The following KCNN3 variants were observed in gnomAD, a reference collection of about 807,000 sequenced individuals.
The protein encoded by KCNN3 is small conductance calcium-activated potassium channel protein 3.
In KCNN3, 16 loss-of-function variants were observed where a neutral mutation model predicts 62.9. The ratio of observed to expected loss-of-function variants is 0.25; its 90% CI spans 0.17 to 0.39. The LOEUF (loss-of-function observed/expected upper bound fraction) is 0.39. Among genes scored for constraint, KCNN3 ranks in the 10% least tolerant of loss-of-function variants. The pLI is 1.00. For synonymous variants in KCNN3, 370 were observed against 389.2 expected (o/e 0.95, Z 0.58); for missense variants, 599 against 949.4 (o/e 0.63, Z 4.85).
chr1:154,754,004 C>T (rs1335619998), intron 3 of KCNN3, among the ~76,000 whole-genome samples: 1 of 152,148 alleles, frequency 6.6e-6, no homozygotes, highest in East Asian at 1.9e-4. Context: ...ATGTGCTGTC[C>T]CTTCTGTGAG....
chr1:154,831,491 A>G (rs1233956935), intron 1 of KCNN3, among the ~76,000 whole-genome samples: 1 of 152,206 alleles, frequency 6.6e-6, no homozygotes, highest in Non-Finnish European at 1.5e-5. Context: ...AGTGAATCTA[A>G]TGTGCGGGCC....
At position 154,811,238 on chromosome 1, in the gene KCNN3, T is replaced by C. The variant is rs1462776487; in HGVS notation, c.1029+10851A>G. Among the ~76,000 whole-genome samples, 3 of 152,098 alleles carry C rather than the reference T, an allele frequency of 2.0e-5. No individual in the cohort carries two copies. In the South Asian group the frequency reaches 6.2e-4, roughly 32 times the overall value. ...GGGCTGACAAAGTGGGAGATGCTTG[T>C]GGAGATGATGTGCGAAGAGAGCTCA... is the stretch of plus-strand genomic sequence containing the variant. On this transcript the variant is annotated intron_variant, in intron 2 of 7. Coordinates refer to ENST00000271915, the MANE Select transcript of KCNN3 (RefSeq NM_002249.6).
At chr1:154,830,167 G>T (rs1053893198) in intron 1 of KCNN3, among the ~76,000 whole-genome samples, 2 of 152,172 alleles carry the variant, frequency 1.3e-5, no homozygotes, top group Non-Finnish European at 2.9e-5. Context: ...CTAAAGAGAG[G>T]TGATGAAAGT....
chr1:154,828,099 C>T (rs1161174280), intron 1 of KCNN3, among the ~76,000 whole-genome samples: 2 of 152,140 alleles, frequency 1.3e-5, no homozygotes, highest in East Asian at 1.9e-4. Flanking sequence ...GGGCCTGATA[C>T]TTGCTAGCCA....
chr1:154,832,066 T>C (rs1651398229), intron 1 of KCNN3, among the ~76,000 whole-genome samples: 1 of 151,994 alleles, frequency 6.6e-6, no homozygotes, highest in African/African-American at 2.4e-5. Flanking sequence ...CCACCCTGCT[T>C]TTCATACTAA....
At chr1:154,783,754 C>T (rs1320357555) in intron 2 of KCNN3, among the ~76,000 whole-genome samples, 1 of 152,146 alleles carries the variant, frequency 6.6e-6, no homozygotes, top group East Asian at 1.9e-4. Flanking sequence ...GAGGGGGAGG[C>T]CGGAGCCCAC....
Position 154,726,006 on chromosome 1 carries a change from A to G in KCNN3, c.1611T>C (p.Leu537=). 6.2e-7 allele frequency: 1 copy of G among 1,614,026 alleles called. No homozygotes were observed. The highest frequency in any genetic ancestry group is 1.3e-5 in the African/African-American group (1 of 75,034). The change falls in exon 5 of 8, where the codon CTT becomes CTC. Residue 537 remains leucine (L), a synonymous_variant. Coordinates refer to ENST00000271915, the MANE Select transcript of KCNN3 (RefSeq NM_002249.6). ...TGIMGAGCTA[L]VVAVVARKLE... ...GCTTTCGGGCCACCACGGCCACCAC[A>G]AGGGCAGTGCAGCCTGCACCCTGCG...
In KCNN3 at chr1:154,756,529, C is replaced by A. The variant is rs367667047; in HGVS notation, c.1448+15446G>T. Among the ~76,000 whole-genome samples, 4 of 151,982 alleles carry A rather than the reference C, an allele frequency of 2.6e-5. No homozygotes were observed. The East Asian group carries it at 5.8e-4, about 22-fold the overall frequency. ...TCTCCTTCCAGTGACTCCTTCCCCC[C>A]GGCTCCTTGCCAGCTCAGGGCCTTG... On this transcript the variant is annotated intron_variant, in intron 3 of 7. Transcript: ENST00000271915.
intron 3 of KCNN3, among the ~76,000 whole-genome samples, chr1:154,761,999 G>A (rs1209493055): frequency 7.0e-6 from 1 of 142,696 alleles, no homozygotes; most frequent in Non-Finnish European, 1.5e-5. Context: ...AAACAAACAC[G>A]TTGATTTGAT....
chr1:154,709,785 G>A lies in KCNN3; in HGVS notation c.1900-1513C>T, dbSNP rs144594029. Among the ~76,000 whole-genome samples the A allele has an allele frequency of 2.4e-3, 370 of 152,222 alleles. 2 individuals carry two copies. The highest frequency in any genetic ancestry group is 8.2e-3 in the African/African-American group (341 of 41,534). ...TTAATCAACATGACAGAACCTCCTC[G>A]AGGCAAACATTCTTCCCGGAATGTG... On this transcript the variant is annotated intron_variant, in intron 7 of 7. Transcript: ENST00000271915.
chr1:154,841,206 G>T (rs541203193), intron 1 of KCNN3, among the ~76,000 whole-genome samples: 1 of 152,326 alleles, frequency 6.6e-6, no homozygotes, highest in African/African-American at 2.4e-5. Context: ...AAAAACCTCA[G>T]TCCCACAGAC....
At chr1:154,737,013 G>A (rs1000478613) in intron 3 of KCNN3, 25 of 701,588 alleles carry the variant, frequency 3.6e-5, no homozygotes, top group Admixed American at 1.0e-4. Flanking sequence ...TTGGAGCTTC[G>A]TCATGGAGAT....
intron 2 of KCNN3, among the ~76,000 whole-genome samples, chr1:154,783,055 A>G (rs1460594601): frequency 6.6e-6 from 1 of 152,156 alleles, no homozygotes; most frequent in Non-Finnish European, 1.5e-5. Context: ...TACTAAAAAT[A>G]CAAAAAAACT....
intron 3 of KCNN3, among the ~76,000 whole-genome samples, chr1:154,747,166 A>G (rs1700955381): frequency 2.6e-5 from 4 of 152,082 alleles, no homozygotes; most frequent in Admixed American, 2.0e-4. Flanking sequence ...AGTCCGGTGG[A>G]GGTTGGCTCC....
chr1:154,769,454 C>G (rs1648452055), intron 3 of KCNN3, among the ~76,000 whole-genome samples: 1 of 152,178 alleles, frequency 6.6e-6, no homozygotes, highest in South Asian at 2.1e-4. Flanking sequence ...GACCCAGTGG[C>G]CCACCAGGGA....
chr1:154,833,780 C>T (rs1651472753), intron 1 of KCNN3, among the ~76,000 whole-genome samples: 1 of 152,216 alleles, frequency 6.6e-6, no homozygotes, highest in African/African-American at 2.4e-5. Flanking sequence ...CCCTCTGCAG[C>T]TACTCAATTC....
intron 3 of KCNN3, among the ~76,000 whole-genome samples, chr1:154,743,339 G>A (rs1700866628): frequency 6.6e-6 from 1 of 152,170 alleles, no homozygotes. Context: ...TCCTGTTACA[G>A]TAGTCAGAGA....
rs60145117 is a variant in KCNN3 at position 154,868,900 on chromosome 1, ATCTCTCTCTCTCTCTCTC to A, written c.933+114_933+131del. 190 of 759,570 alleles carry A rather than the reference ATCTCTCTCTCTCTCTCTC, an allele frequency of 2.5e-4. 2 individuals are homozygous for A. Among genetic ancestry groups the A allele is most frequent in the Admixed American group, 9.2e-4 (46 of 49,940 alleles). 47.1% of individuals were successfully genotyped at this position (759,570 alleles called of 1,614,324 possible). A position where few individuals can be genotyped will look rare whatever the true frequency, so the allele number is the denominator to read the frequency against. ...TCCCAGTCTCCCTCCCAATCTCTCA[ATCTCTCTCTCTCTCTCTC>A]TCTCTCTCTCTCTCTCTCAATCTCT... On this transcript the variant is annotated intron_variant, in intron 1 of 7. Coordinates refer to ENST00000271915, the MANE Select transcript of KCNN3 (RefSeq NM_002249.6).
chr1:154,826,062 CAAAAACAAAAACAAAAACAA>C (rs1243227894), intron 1 of KCNN3, among the ~76,000 whole-genome samples: 3 of 129,420 alleles, frequency 2.3e-5, no homozygotes, highest in African/African-American at 9.8e-5. Flanking sequence ...AAAACAAAAA[CAAAAACAAAAACAAAAACAA>C]AAACAAAAAA....
Sources: allele counts gnomAD v4.1 joint callset (sites outside exome capture counted in the v4.1 genomes callset), GRCh38; gene constraint gnomAD v4.1.1; transcripts MANE v1.5; gene names NCBI Gene and HGNC (gene_info 2026-07-23, HGNC 2026-07-21).